NTPCR: variants seen among roughly 807,000 people sequenced by gnomAD.
NTPCR encodes the protein cancer-related nucleoside-triphosphatase.
A neutral mutation model predicts 19.5 loss-of-function variants in NTPCR; 15 were observed. The ratio of observed to expected loss-of-function variants is 0.77; its 90% CI spans 0.51 to 1.18. The LOEUF (loss-of-function observed/expected upper bound fraction) is 1.18. Among genes scored for constraint, NTPCR ranks in the 50% most tolerant of loss-of-function variants. The pLI, the probability that NTPCR is intolerant of heterozygous loss-of-function variation, is 0.00. For synonymous variants in NTPCR, 90 were observed against 95.8 expected, an observed-to-expected ratio of 0.94 and a Z score of 0.36; for missense variants, 206 against 240.4, an observed-to-expected ratio of 0.86 and a Z score of 0.95.
Position 232,955,706 on chromosome 1 carries a change from T to C in NTPCR, c.184T>C (p.Leu62=). The change falls in exon 2 of 5, where the codon TTA becomes CTA. Residue 62 remains leucine (L), a synonymous_variant. Coordinates refer to ENST00000366628, the MANE Select transcript of NTPCR (RefSeq NM_032324.3). ...VVTLSGTRGP[L]SRVGLEPPPG... ...CACGTTGTCCGGCACCCGGGGGCCT[T>C]TATCGAGAGTTGGGTACTGATATTT... 1 of 1,613,856 alleles carries C rather than the reference T, an allele frequency of 6.2e-7. No individual in the cohort carries two copies.
intron 3 of NTPCR, among the ~76,000 whole-genome samples, chr1:232,960,205 C>G (rs537893573): frequency 3.0e-4 from 36 of 120,370 alleles, no homozygotes; most frequent in Non-Finnish European, 5.0e-4. Flanking sequence ...CAGAGCAAGA[C>G]TCCATCTCAA....
At chr1:232,969,330 AC>A (rs1668907942) in intron 3 of NTPCR, 1 of 155,044 alleles carries the variant, frequency 6.4e-6, no homozygotes, top group Non-Finnish European at 1.4e-5. Context: ...ATATTTATAT[AC>A]AACCAGAAAA....
In NTPCR at chr1:232,982,060, C is replaced by T. The variant is rs1032774693; in HGVS notation, c.*3829C>T. ...TGGAAAATAACTCTTTAGCTATATA[C>T]TGGCAGAATATTTGAACAACTCTAG... On this transcript the variant is annotated 3_prime_UTR_variant, in exon 5 of 5. Transcript: ENST00000366628. 6.6e-6 allele frequency: 1 copy of T among 152,174 alleles called. No individual in the cohort carries two copies. The highest frequency in any genetic ancestry group is 1.5e-5 in the Non-Finnish European group (1 of 68,030). 9.4% of individuals were successfully genotyped at this position (152,174 alleles called of 1,614,324 possible). A position where few individuals can be genotyped will look rare whatever the true frequency, so the allele number is the denominator to read the frequency against.
chr1:232,969,010 A>G (rs907155439), intron 3 of NTPCR: 2 of 152,252 alleles, frequency 1.3e-5, no homozygotes, highest in East Asian at 1.9e-4. Flanking sequence ...GCTTAAAACA[A>G]CAAACACATT....
chr1:232,977,901 T>TC (rs1212524103), intron 4 of NTPCR, among the ~76,000 whole-genome samples: 1 of 152,128 alleles, frequency 6.6e-6, no homozygotes, highest in Non-Finnish European at 1.5e-5. Flanking sequence ...TTCACAGCTC[T>TC]CCCCATGGTT....
intron 4 of NTPCR, 81 bp from the exon 5 acceptor site, chr1:232,978,082 T>C: frequency 8.0e-7 from 1 of 1,254,636 alleles, no homozygotes; most frequent in Non-Finnish European, 1.2e-6. Flanking sequence ...CTTCCAGGCG[T>C]TTCTTTTAGA....
chr1:232,963,340 T>G (rs573389181), intron 3 of NTPCR: 5 of 152,318 alleles, frequency 3.3e-5, no homozygotes, highest in African/African-American at 1.2e-4. Flanking sequence ...ACTTTATTAT[T>G]TCTGATTGTT....
chr1:232,957,825 G>A (rs1035317652), intron 3 of NTPCR, among the ~76,000 whole-genome samples: 1 of 152,204 alleles, frequency 6.6e-6, no homozygotes, highest in Non-Finnish European at 1.5e-5. Flanking sequence ...TGCTATGAAA[G>A]GGAGGGACAG....
chr1:232,976,810 G>A (rs1366644240), intron 4 of NTPCR: 5 of 310,956 alleles, frequency 1.6e-5, no homozygotes, highest in Non-Finnish European at 3.0e-5. Flanking sequence ...AATGGGATCA[G>A]CTTCTGGCAC....
At chr1:232,977,122 C>G (rs1173422012) in intron 4 of NTPCR, 1 of 152,400 alleles carries the variant, frequency 6.6e-6, no homozygotes. Flanking sequence ...TCCACATGCA[C>G]TCCCTGCTCT....
At chr1:232,966,728 GGAAACTA>G (rs1364335053) in intron 3 of NTPCR, 2 of 152,274 alleles carry the variant, frequency 1.3e-5, no homozygotes, top group Admixed American at 1.3e-4. Context: ...CCCGGAACAG[GGAAACTA>G]AAAGTGCGCT....
chr1:232,973,407 C>T (rs190005879), intron 4 of NTPCR, among the ~76,000 whole-genome samples: 1 of 152,188 alleles, frequency 6.6e-6, no homozygotes, highest in African/African-American at 2.4e-5. Flanking sequence ...ATTTTTCCTG[C>T]TAAGGATGTT....
chr1:232,953,820 A>G (rs1010253837), intron 1 of NTPCR, among the ~76,000 whole-genome samples: 1 of 151,860 alleles, frequency 6.6e-6, no homozygotes, highest in Non-Finnish European at 1.5e-5. Context: ...ATTGTGGTCT[A>G]TTTTCCATGC....
chr1:232,955,436 C>A, intron 1 of NTPCR, 121 bp from the exon 2 acceptor site: 1 of 682,352 alleles, frequency 1.5e-6, no homozygotes. Context: ...AATCCATTTA[C>A]AGCCCATTTC....
chr1:232,979,917 A>C lies in NTPCR; in HGVS notation c.*1686A>C, dbSNP rs1669238604. 6.6e-6 allele frequency: 1 copy of C among 152,296 alleles called. No individual in the cohort carries two copies. The highest frequency in any genetic ancestry group is 2.1e-4 in the South Asian group (1 of 4,830). The allele number at this position is 152,296 out of a possible 1,614,324, so 9.4% of individuals were successfully genotyped here. A position where few individuals can be genotyped will look rare whatever the true frequency, so the allele number is the denominator to read the frequency against. The stretch of plus-strand genomic sequence containing the variant: ...ATCAATGTGCACCCAGGCGTGGTGG[A>C]GCTGGTCAGCCCCAGCTGGAGTGGG... On this transcript the variant is annotated 3_prime_UTR_variant, in exon 5 of 5. Transcript: ENST00000366628. This position sits in a 1 kb window ranked among gnomAD's most constrained non-coding sequence, Gnocchi z 5.3.
At chr1:232,960,408 A>G (rs1198504888) in intron 3 of NTPCR, among the ~76,000 whole-genome samples, 1 of 149,704 alleles carries the variant, frequency 6.7e-6, no homozygotes, top group East Asian at 2.0e-4. Flanking sequence ...CAGTGGCGCC[A>G]TCTCAGCTCA....
chr1:232,956,283 C>A, intron 2 of NTPCR, 64 bp from the exon 3 acceptor site: 1 of 1,110,396 alleles, frequency 9.0e-7, no homozygotes, highest in Non-Finnish European at 1.4e-6. Flanking sequence ...CTCAGTGGAG[C>A]AGCTAAAAAC....
intron 3 of NTPCR, chr1:232,969,637 A>G (rs1668917350): frequency 3.0e-6 from 1 of 336,698 alleles, no homozygotes; most frequent in Non-Finnish European, 5.6e-6. Context: ...ATTCCAATTT[A>G]TGTCCGTTAC....
intron 2 of NTPCR, 149 bp downstream of exon 2, chr1:232,955,868 G>A: frequency 1.4e-6 from 1 of 732,810 alleles, no homozygotes; most frequent in Non-Finnish European, 2.3e-6. Flanking sequence ...TAGGTTGAGA[G>A]TGTCTCCCTG....
Sources: allele counts gnomAD v4.1 joint callset (sites outside exome capture counted in the v4.1 genomes callset), GRCh38; gene constraint gnomAD v4.1.1; non-coding constraint Gnocchi (gnomAD v3.1); transcripts MANE v1.5; gene names NCBI Gene and HGNC (gene_info 2026-07-23, HGNC 2026-07-21).